UST: variants seen among roughly 807,000 people sequenced by gnomAD.
UST encodes the protein chondroitin sulfate 2-O-sulfotransferase.
UST carries 21 observed loss-of-function variants against 45.6 expected under a neutral mutation model. The observed-to-expected ratio is 0.46, with a 90% CI of 0.33 to 0.66. The LOEUF is 0.66. Ranked by LOEUF, UST falls within the 30% of genes least tolerant of loss-of-function variation. UST has a pLI of 0.02. For synonymous variants in UST, 215 were observed against 200.6 expected, an observed-to-expected ratio of 1.07 and a Z score of -0.61; for missense variants, 463 against 512.4, an observed-to-expected ratio of 0.90 and a Z score of 0.93.
intron 5 of UST, among the ~76,000 whole-genome samples, chr6:149,004,373 A>ACCTG (rs1355355409): frequency 6.6e-6 from 1 of 152,216 alleles, no homozygotes; most frequent in African/African-American, 2.4e-5. Context: ...TATTGAGATC[A>ACCTG]GACTTCCTGG....
At chr6:148,979,828 T>C (rs1781094484) in intron 5 of UST, among the ~76,000 whole-genome samples, 2 of 152,234 alleles carry the variant, frequency 1.3e-5, no homozygotes, top group South Asian at 4.1e-4. Flanking sequence ...CTCACTTGAA[T>C]TGTTTTGGCT....
chr6:148,923,716 G>C (rs1403384014), intron 2 of UST, among the ~76,000 whole-genome samples: 1 of 152,136 alleles, frequency 6.6e-6, no homozygotes, highest in East Asian at 1.9e-4. Flanking sequence ...ACCATCACCT[G>C]ACCCAGGATG....
intron 1 of UST, among the ~76,000 whole-genome samples, chr6:148,848,548 G>A (rs1778040864): frequency 6.6e-6 from 1 of 151,894 alleles, no homozygotes; most frequent in African/African-American, 2.4e-5. Flanking sequence ...ATGCGTGCCT[G>A]TAGTCCCAGC....
intron 1 of UST, among the ~76,000 whole-genome samples, chr6:148,885,264 C>T (rs1326137266): frequency 6.6e-6 from 1 of 152,120 alleles, no homozygotes; most frequent in Non-Finnish European, 1.5e-5. Context: ...TGGGATTTCT[C>T]ACGCTTCCCC....
Position 148,871,143 on chromosome 6 carries a change from T to TCC in UST, c.248-15842_248-15841insCC, listed in dbSNP as rs1778548883. 2.7e-5 allele frequency among the ~76,000 whole-genome samples: 4 copies of TCC among 147,424 alleles called. No individual in the cohort carries two copies. In the South Asian group the frequency reaches 8.8e-4, roughly 33 times the overall value. On this transcript the variant is annotated intron_variant, in intron 1 of 7. Coordinates refer to ENST00000367463, the MANE Select transcript of UST (RefSeq NM_005715.3). ...CTCTCTCTCTCTCTCTCTCTCTCTC[T>TCC]CTCCCTCTCTCCCTCTCTCTCTCTG...
intron 1 of UST, among the ~76,000 whole-genome samples, chr6:148,882,505 A>T (rs1051039261): frequency 7.9e-5 from 12 of 151,468 alleles, no homozygotes; most frequent in Non-Finnish European, 1.3e-4. Flanking sequence ...AAAAAAAAAA[A>T]AAAGAGTTGT....
chr6:148,854,246 G>A (rs1049889010), intron 1 of UST, among the ~76,000 whole-genome samples: 2 of 152,188 alleles, frequency 1.3e-5, no homozygotes, highest in Non-Finnish European at 2.9e-5. Context: ...CTGAGCCCAC[G>A]CTGTAGGATC....
chr6:149,065,827 C>T (rs190485540), intron 7 of UST, among the ~76,000 whole-genome samples: 70 of 152,324 alleles, frequency 4.6e-4, no homozygotes, highest in Admixed American at 8.5e-4. Flanking sequence ...CGCGACATAA[C>T]CCTCTGGCAA....
chr6:148,853,747 C>T (rs1050004126), intron 1 of UST, among the ~76,000 whole-genome samples: 13 of 151,976 alleles, frequency 8.6e-5, no homozygotes, highest in South Asian at 4.2e-4. Flanking sequence ...TTTGGTTGGC[C>T]GCATGTATGT....
chr6:148,754,965 A>G (rs1439755533), intron 1 of UST, among the ~76,000 whole-genome samples: 1 of 152,230 alleles, frequency 6.6e-6, no homozygotes, highest in African/African-American at 2.4e-5. Flanking sequence ...ATTTATCTCT[A>G]AGGTATGATA....
At position 149,059,542 on chromosome 6, in the gene UST, A is replaced by C. The variant is rs368698945; in HGVS notation, c.938-14291A>C. 9.2e-5 allele frequency among the ~76,000 whole-genome samples: 14 copies of C among 152,342 alleles called. No individual in the cohort carries two copies. In the East Asian group the frequency reaches 2.3e-3, roughly 25 times the overall value. On this transcript the variant is annotated intron_variant, in intron 7 of 7. Transcript: ENST00000367463. ...CCAGATTGCCCAGGAAGTTGTTGGAAGGATTGCACATTTGCTTCTCCCTTT... is the reference window on the plus strand; with the variant it reads ...CCAGATTGCCCAGGAAGTTGTTGGACGGATTGCACATTTGCTTCTCCCTTT...
intron 5 of UST, among the ~76,000 whole-genome samples, chr6:148,998,372 G>A (rs1781488799): frequency 6.6e-6 from 1 of 152,174 alleles, no homozygotes; most frequent in African/African-American, 2.4e-5. Context: ...ACAGATTTGA[G>A]GTGAATGATT....
chr6:148,756,077 A>G (rs865801438), intron 1 of UST, among the ~76,000 whole-genome samples: 4 of 141,726 alleles, frequency 2.8e-5, no homozygotes, highest in African/African-American at 8.0e-5. Context: ...TCATTGTTCA[A>G]TTCCCACCTA....
chr6:148,996,177 G>C (rs967247750), intron 5 of UST, among the ~76,000 whole-genome samples: 7 of 152,208 alleles, frequency 4.6e-5, no homozygotes, highest in African/African-American at 1.7e-4. Flanking sequence ...AAGAGGAAGA[G>C]AAAGAGCCCC....
chr6:149,012,477 A>G (rs1356880935), intron 5 of UST, among the ~76,000 whole-genome samples: 1 of 152,116 alleles, frequency 6.6e-6, no homozygotes. Flanking sequence ...AATGACAGTC[A>G]TTTTTCTCTC....
At chr6:148,751,251 G>A (rs1409751167) in intron 1 of UST, among the ~76,000 whole-genome samples, 1 of 152,174 alleles carries the variant, frequency 6.6e-6, no homozygotes, top group East Asian at 1.9e-4. Context: ...AATGTACATG[G>A]TTTCAGTTTT....
chr6:149,051,992 C>T (rs931923229), intron 7 of UST, among the ~76,000 whole-genome samples: 52 of 152,050 alleles, frequency 3.4e-4, no homozygotes, highest in African/African-American at 1.0e-3. Flanking sequence ...ATAGATTATA[C>T]GGTATTCATG....
At chr6:148,986,310 G>A (rs1440799219) in intron 5 of UST, among the ~76,000 whole-genome samples, 1 of 152,140 alleles carries the variant, frequency 6.6e-6, no homozygotes, top group Non-Finnish European at 1.5e-5. Context: ...CCTAAGATTG[G>A]TATTATTATA....
intron 5 of UST, among the ~76,000 whole-genome samples, chr6:148,987,755 A>G (rs769515903): frequency 6.6e-6 from 1 of 152,180 alleles, no homozygotes; most frequent in Non-Finnish European, 1.5e-5. Flanking sequence ...GGGAAACATC[A>G]TTGAATAGAA....
Sources: allele counts gnomAD v4.1 joint callset (sites outside exome capture counted in the v4.1 genomes callset), GRCh38; gene constraint gnomAD v4.1.1; transcripts MANE v1.5; gene names NCBI Gene and HGNC (gene_info 2026-07-23, HGNC 2026-07-21).